LRRTM4: variants seen among roughly 807,000 people sequenced by gnomAD.
LRRTM4 encodes the protein leucine rich repeat transmembrane neuronal 4, also known as leucine-rich repeat transmembrane neuronal protein 4.
LRRTM4 carries 25 observed loss-of-function variants against 47.6 expected under a neutral mutation model. That is an observed-to-expected ratio of 0.53 (90% confidence interval 0.38 to 0.73). LRRTM4 has a LOEUF of 0.73. Among genes scored for constraint, LRRTM4 ranks in the 30% least tolerant of loss-of-function variants. LRRTM4 has a pLI of 0.00. For missense variants in LRRTM4, 638 were observed against 713.4 expected, an observed-to-expected ratio of 0.89 and a Z score of 1.20; for synonymous variants, 311 against 269.5, an observed-to-expected ratio of 1.15 and a Z score of -1.51.
intron 3 of LRRTM4, among the ~76,000 whole-genome samples, chr2:77,007,019 G>GC (rs937176021): frequency 5.9e-5 from 9 of 151,988 alleles, no homozygotes; most frequent in Admixed American, 5.2e-4. Context: ...GGGAATGTTG[G>GC]CTTTGTTTTT....
intron 3 of LRRTM4, among the ~76,000 whole-genome samples, chr2:76,969,218 A>C (rs1051155464): frequency 1.3e-5 from 2 of 151,972 alleles, no homozygotes; most frequent in African/African-American, 4.8e-5. Flanking sequence ...CCCAAGGAGT[A>C]ATAGCATAGA....
rs189305026 is a variant in LRRTM4 at position 77,038,705 on chromosome 2, G to T, written c.1552-289789C>A. ...GCCATTTTGCAAAGCCAGATTTCAA[G>T]AAATTATCCTAGAAATTCAATTAAG... On this transcript the variant is annotated intron_variant, in intron 3 of 3. Transcript: ENST00000409884. Among the ~76,000 whole-genome samples the T allele has an allele frequency of 3.0e-4, 45 of 151,608 alleles. 1 individual carries two copies. The highest frequency in any genetic ancestry group is 6.8e-3 in the Middle Eastern group (2 of 294).
At chr2:76,963,685 C>T (rs1201922228) in intron 3 of LRRTM4, among the ~76,000 whole-genome samples, 1 of 150,752 alleles carries the variant, frequency 6.6e-6, no homozygotes, top group Non-Finnish European at 1.5e-5. Context: ...CTGTTTCATA[C>T]TGCTTTTCCA....
At chr2:77,476,611 G>C (rs991752835) in intron 3 of LRRTM4, among the ~76,000 whole-genome samples, 4 of 151,996 alleles carry the variant, frequency 2.6e-5, no homozygotes, top group African/African-American at 4.8e-5. Flanking sequence ...AATTTGTTTT[G>C]GAAAATCTTT....
At chr2:77,046,580 A>T (rs944390374) in intron 3 of LRRTM4, among the ~76,000 whole-genome samples, 4 of 152,014 alleles carry the variant, frequency 2.6e-5, no homozygotes, top group African/African-American at 9.7e-5. Context: ...GCAGGGAAAC[A>T]TCTATGTGTC....
intron 3 of LRRTM4, among the ~76,000 whole-genome samples, chr2:76,804,910 A>G (rs1374024172): frequency 6.6e-6 from 1 of 151,950 alleles, no homozygotes; most frequent in African/African-American, 2.4e-5. Context: ...ATAGAAAATC[A>G]TATCACTAAA....
At chr2:77,376,175 T>C (rs572222674) in intron 3 of LRRTM4, among the ~76,000 whole-genome samples, 2 of 151,940 alleles carry the variant, frequency 1.3e-5, no homozygotes, top group Non-Finnish European at 2.9e-5. Context: ...GATTTTCTGG[T>C]TATGAGAAAT....
chr2:76,890,014 T>C (rs973195880), intron 3 of LRRTM4, among the ~76,000 whole-genome samples: 1 of 151,890 alleles, frequency 6.6e-6, no homozygotes, highest in African/African-American at 2.4e-5. Flanking sequence ...TGTCATTCTA[T>C]AACTAGAAAA....
At chr2:77,118,864 A>T (rs1671455702) in intron 3 of LRRTM4, among the ~76,000 whole-genome samples, 1 of 151,832 alleles carries the variant, frequency 6.6e-6, no homozygotes, top group Admixed American at 6.6e-5. Flanking sequence ...AGCTGAGTAG[A>T]CCATATACAT....
At chr2:77,318,078 C>T (rs953537513) in intron 3 of LRRTM4, among the ~76,000 whole-genome samples, 1 of 141,664 alleles carries the variant, frequency 7.1e-6, no homozygotes, top group Non-Finnish European at 1.5e-5. Flanking sequence ...GCGATCTTGG[C>T]TCACTACAAG....
chr2:76,934,968 GA>G (rs34194337), intron 3 of LRRTM4, among the ~76,000 whole-genome samples: 1,924 of 146,134 alleles, frequency 0.013, 39 homozygotes, highest in African/African-American at 0.044. Flanking sequence ...TTCTTTGGAG[GA>G]AAAAAAAAAA....
chr2:77,025,694 A>G (rs1331705596), intron 3 of LRRTM4, among the ~76,000 whole-genome samples: 2 of 152,218 alleles, frequency 1.3e-5, no homozygotes, highest in African/African-American at 2.4e-5. Flanking sequence ...AAAAATGTAG[A>G]ATATTTCTGG....
At chr2:77,492,355 G>A (rs529924117) in intron 3 of LRRTM4, among the ~76,000 whole-genome samples, 1 of 152,230 alleles carries the variant, frequency 6.6e-6, no homozygotes, top group South Asian at 2.1e-4. Flanking sequence ...GAACTCCTGA[G>A]CTCAAGGAAT....
intron 3 of LRRTM4, among the ~76,000 whole-genome samples, chr2:77,402,177 G>C (rs1440885557): frequency 6.6e-6 from 1 of 151,798 alleles, no homozygotes; most frequent in Non-Finnish European, 1.5e-5. Context: ...ACAGGGTCTC[G>C]CTATGTCACC....
intron 3 of LRRTM4, among the ~76,000 whole-genome samples, chr2:77,434,143 T>C (rs1675495867): frequency 6.6e-6 from 1 of 151,858 alleles, no homozygotes; most frequent in African/African-American, 2.4e-5. Flanking sequence ...ATCCAAAAGA[T>C]CCCTCTGGAG....
At chr2:77,032,965 G>C (rs1338122237) in intron 3 of LRRTM4, among the ~76,000 whole-genome samples, 1 of 151,990 alleles carries the variant, frequency 6.6e-6, no homozygotes, top group Non-Finnish European at 1.5e-5. Flanking sequence ...ATCTACCCGT[G>C]ACACATTTGA....
At chr2:77,376,956 GTC>G (rs1672863798) in intron 3 of LRRTM4, among the ~76,000 whole-genome samples, 2 of 151,710 alleles carry the variant, frequency 1.3e-5, no homozygotes, top group Non-Finnish European at 2.9e-5. Context: ...TGGGAGATTT[GTC>G]TCTTTCTCCA....
At chr2:77,002,518 T>C (rs1573434580) in intron 3 of LRRTM4, among the ~76,000 whole-genome samples, 1 of 152,160 alleles carries the variant, frequency 6.6e-6, no homozygotes, top group African/African-American at 2.4e-5. Flanking sequence ...AATACAACTA[T>C]TTCCTTCTAA....
chr2:76,790,673 T>C (rs571837213), intron 3 of LRRTM4, among the ~76,000 whole-genome samples: 12 of 152,182 alleles, frequency 7.9e-5, no homozygotes, highest in African/African-American at 2.6e-4. Context: ...GGGAACAGTA[T>C]CTTGTAGTGT....
Sources: gnomAD v4.1 joint callset for allele counts (sites outside exome capture counted in the v4.1 genomes callset) on GRCh38, gnomAD v4.1.1 for gene constraint, MANE v1.5 for transcripts, NCBI Gene and HGNC (gene_info 2026-07-23, HGNC 2026-07-21) for gene names.